UBAC1: variants seen among roughly 807,000 people sequenced by gnomAD.
UBAC1 encodes ubiquitin-associated domain-containing protein 1.
Under a neutral mutation model 45.9 loss-of-function variants are expected in UBAC1, and 27 were observed. The ratio of observed to expected loss-of-function variants is 0.59; its 90% CI spans 0.43 to 0.81. UBAC1 has a LOEUF of 0.81. Ranked by LOEUF, UBAC1 falls within the 30% of genes least tolerant of loss-of-function variation. The pLI, the probability that UBAC1 is intolerant of heterozygous loss-of-function variation, is 0.00. For missense variants in UBAC1, 529 were observed against 539.2 expected (o/e 0.98, Z 0.19); for synonymous variants, 227 against 215.5 (o/e 1.05, Z -0.47).
At chr9:135,948,128 G>C in intron 3 of UBAC1, 1 of 497,670 alleles carries the variant, frequency 2.0e-6, no homozygotes, top group Non-Finnish European at 3.6e-6. Context: ...AGAGTGAAGC[G>C]GTAGGTGAGG....
chr9:135,952,429 C>T (rs1839416964), intron 3 of UBAC1, among the ~76,000 whole-genome samples: 1 of 152,260 alleles, frequency 6.6e-6, no homozygotes, highest in South Asian at 2.1e-4. Flanking sequence ...CCATGCTCGG[C>T]ACGGGCTCAG....
chr9:135,951,482 C>T (rs1397863966), intron 3 of UBAC1, among the ~76,000 whole-genome samples: 1 of 151,708 alleles, frequency 6.6e-6, no homozygotes, highest in Non-Finnish European at 1.5e-5. Context: ...AGAGTGAGAT[C>T]CTGTCTCTAA....
intron 3 of UBAC1, among the ~76,000 whole-genome samples, chr9:135,952,203 C>T (rs911826509): frequency 7.9e-5 from 12 of 152,248 alleles, no homozygotes; most frequent in African/African-American, 2.7e-4. Flanking sequence ...GACCCAAGCC[C>T]AGGGTGCTCT....
At chr9:135,945,511 A>G (rs1018876062) in intron 6 of UBAC1, 1 of 515,464 alleles carries the variant, frequency 1.9e-6, no homozygotes, top group Admixed American at 3.6e-5. Context: ...CTGAGGGCTT[A>G]GATAGGGACC....
chr9:135,948,003 G>T, intron 3 of UBAC1, 98 bp from the exon 4 acceptor site: 1 of 1,144,458 alleles, frequency 8.7e-7, no homozygotes, highest in South Asian at 1.5e-5. Flanking sequence ...GAAAGACTCC[G>T]TCTCCTTTAG....
intron 7 of UBAC1, among the ~76,000 whole-genome samples, chr9:135,940,395 C>T (rs1839256885): frequency 1.3e-5 from 2 of 151,774 alleles, no homozygotes; most frequent in East Asian, 1.9e-4. Flanking sequence ...TTGGCTAACA[C>T]GGTGAAACCC....
intron 7 of UBAC1, among the ~76,000 whole-genome samples, chr9:135,944,218 TGC>T (rs1198663453): frequency 6.6e-6 from 1 of 152,196 alleles, no homozygotes; most frequent in Admixed American, 6.5e-5. Flanking sequence ...GGGGTTACAC[TGC>T]GGGACATGGT....
At chr9:135,940,546 C>A (rs1204461348) in intron 7 of UBAC1, among the ~76,000 whole-genome samples, 2 of 148,134 alleles carry the variant, frequency 1.4e-5, no homozygotes, top group African/African-American at 5.0e-5. Context: ...CGCCACTGCA[C>A]TGCAGCCTGG....
Position 135,945,110 on chromosome 9 carries a change from G to C in UBAC1, c.794C>G (p.Ala265Gly). 6.2e-7 allele frequency: 1 copy of C among 1,614,056 alleles called. No homozygotes were observed. Among genetic ancestry groups the C allele is most frequent in the Middle Eastern group, 1.6e-4 (1 of 6,062 alleles). Residue 265 changes from alanine to glycine, a missense_variant, in exon 7 of 10, where the codon GCC becomes GGC. Coordinates refer to ENST00000371756, the MANE Select transcript of UBAC1 (RefSeq NM_016172.3). Reference protein sequence around the residue: ...AASEAAAGASATDEEARDELT... With the variant: ...AASEAAAGASGTDEEARDELT... ...CTCATCTCTGGCCTCCTCATCGGTGGCGCTGGCTCCCGCGGCAGCCTCGGA... is the reference window on the plus strand; with the variant it reads ...CTCATCTCTGGCCTCCTCATCGGTGCCGCTGGCTCCCGCGGCAGCCTCGGA...
At chr9:135,941,744 C>A (rs1219055123) in intron 7 of UBAC1, among the ~76,000 whole-genome samples, 1 of 152,090 alleles carries the variant, frequency 6.6e-6, no homozygotes, top group Non-Finnish European at 1.5e-5. Flanking sequence ...CTTGCGCTCA[C>A]GGGCTGCAGG....
chr9:135,950,046 G>A (rs1418666439), intron 3 of UBAC1, among the ~76,000 whole-genome samples: 1 of 152,200 alleles, frequency 6.6e-6, no homozygotes, highest in Admixed American at 6.5e-5. Context: ...GGTCGGAACT[G>A]GACTCTGCCA....
intron 1 of UBAC1, 118 bp downstream of exon 1, chr9:135,960,907 G>C (rs1839526415): frequency 1.1e-6 from 1 of 903,632 alleles, no homozygotes; most frequent in African/African-American, 1.8e-5. Context: ...GAGAGGGCCT[G>C]GGAGCTGCGG....
intron 2 of UBAC1, 63 bp from the exon 3 acceptor site, chr9:135,953,816 A>G (rs1839434930): frequency 6.8e-7 from 1 of 1,475,042 alleles, no homozygotes. Flanking sequence ...AAAATGGCAT[A>G]AAGGGTGCTG....
At chr9:135,952,215 C>T (rs1839413899) in intron 3 of UBAC1, among the ~76,000 whole-genome samples, 1 of 152,242 alleles carries the variant, frequency 6.6e-6, no homozygotes, top group African/African-American at 2.4e-5. Context: ...GGGTGCTCTT[C>T]CTGGGTACCC....
At chr9:135,943,733 C>T (rs952752125) in intron 7 of UBAC1, among the ~76,000 whole-genome samples, 1 of 152,146 alleles carries the variant, frequency 6.6e-6, no homozygotes, top group African/African-American at 2.4e-5. Flanking sequence ...GAAAAGAAAC[C>T]GGATAGACTG....
In UBAC1 at chr9:135,961,182, C is replaced by G. The variant is rs1259074035; in HGVS notation, c.-20G>C. ...GAACATCCCGCCGCCGCCGCAGGGGCCTGCGCCCGCCACCCGGGCCCCTGA... is the reference window on the plus strand; with the variant it reads ...GAACATCCCGCCGCCGCCGCAGGGGGCTGCGCCCGCCACCCGGGCCCCTGA... On this transcript the variant is annotated 5_prime_UTR_variant, in exon 1 of 10. Coordinates refer to ENST00000371756, the MANE Select transcript of UBAC1 (RefSeq NM_016172.3). 13 of 1,510,098 alleles carry G rather than the reference C, an allele frequency of 8.6e-6. No homozygotes were observed. Among genetic ancestry groups the G allele is most frequent in the Non-Finnish European group, 1.1e-5 (13 of 1,136,984 alleles). The allele number at this position is 1,510,098 out of a possible 1,614,324, so 93.5% of individuals were successfully genotyped here.
intron 3 of UBAC1, among the ~76,000 whole-genome samples, chr9:135,948,247 G>A (rs775599471): frequency 1.3e-5 from 2 of 152,220 alleles, no homozygotes; most frequent in African/African-American, 4.8e-5. Context: ...GCTGAGCCCC[G>A]AGGCCAAAAC....
At chr9:135,945,541 G>A in intron 6 of UBAC1, 1 of 503,180 alleles carries the variant, frequency 2.0e-6, no homozygotes, top group Non-Finnish European at 3.5e-6. Flanking sequence ...ACTGCCCCCG[G>A]CTGCCCCTGG....
intron 8 of UBAC1, among the ~76,000 whole-genome samples, chr9:135,938,800 G>T (rs1350454764): frequency 7.0e-6 from 1 of 143,104 alleles, no homozygotes; most frequent in Non-Finnish European, 1.6e-5. Context: ...AACTCCACTG[G>T]CACGGGGGAT....
Sources: allele counts gnomAD v4.1 joint callset (sites outside exome capture counted in the v4.1 genomes callset), GRCh38; gene constraint gnomAD v4.1.1; transcripts MANE v1.5; gene names NCBI Gene and HGNC (gene_info 2026-07-23, HGNC 2026-07-21).